Variants in CACNA1A observed in about 807,000 individuals in gnomAD.
CACNA1A encodes the protein voltage-dependent P/Q-type calcium channel subunit alpha-1A.
In CACNA1A, 57 loss-of-function variants were observed where a neutral mutation model predicts 262.4. The observed-to-expected ratio is 0.22, with a 90% CI of 0.18 to 0.27. The LOEUF (loss-of-function observed/expected upper bound fraction) is 0.27. CACNA1A is among the 10% of genes least tolerant of loss of function. The pLI, the probability that CACNA1A is intolerant of heterozygous loss-of-function variation, is 1.00. For synonymous variants in CACNA1A, 1,431 were observed against 1,419.3 expected (o/e 1.01, Z -0.18); for missense variants, 2,526 against 3,562.8 (o/e 0.71, Z 7.41).
At chr19:13,300,757 GACCAATCAGA>G in intron 17 of CACNA1A, 101 bp from the exon 18 acceptor site, 1 of 936,594 alleles carries the variant, frequency 1.1e-6, no homozygotes, top group Admixed American at 1.8e-5. Context: ...GAAATATTTC[GACCAATCAGA>G]ACCAAGGCTC....
Position 13,207,557 on chromosome 19 carries a change from C to T in CACNA1A, c.7277G>A (p.Gly2426Asp), listed in dbSNP as rs1600073783. 2 of 1,464,726 alleles carry T rather than the reference C, an allele frequency of 1.4e-6. No individual in the cohort carries two copies. Among genetic ancestry groups the T allele is most frequent in the African/African-American group, 1.5e-5 (1 of 67,382 alleles). 90.7% of individuals were successfully genotyped at this position (1,464,726 alleles called of 1,614,324 possible). A position where few individuals can be genotyped will look rare whatever the true frequency, so the allele number is the denominator to read the frequency against. The change falls in exon 47 of 47, where the codon GGC becomes GAC. Residue 2426 changes from glycine to aspartate, a missense_variant. Around this residue, in one of 17 missense-constraint regions of CACNA1A, gnomAD observed 929 missense variants for 868.1 expected, o/e 1.07. Transcript: ENST00000360228. This position sits in a 1 kb window ranked among gnomAD's most constrained non-coding sequence, Gnocchi z 5.7. Reference sequence around the variant, plus strand: ...GTAGGCCCCGGCCATGGCCTCCTCGCCGCCCCCGCTGCCCGGGCCATCGGC... The same window carrying T: ...GTAGGCCCCGGCCATGGCCTCCTCGTCGCCCCCGCTGCCCGGGCCATCGGC... ...DEADGPGSGG[G>D]EEAMAGAYDA...
At chr19:13,245,049 TG>T in intron 31 of CACNA1A, 132 bp downstream of exon 31, 2 of 744,204 alleles carry the variant, frequency 2.7e-6, no homozygotes, top group Non-Finnish European at 4.6e-6. Context: ...TCTCCCTCTC[TG>T]GTCATGGCCA....
intron 3 of CACNA1A, among the ~76,000 whole-genome samples, chr19:13,402,889 T>C (rs77287922): frequency 0.023 from 2,396 of 102,704 alleles, 102 homozygotes; most frequent in African/African-American, 0.084. Flanking sequence ...TATATATATA[T>C]ATATATATAT....
Position 13,310,061 on chromosome 19 carries a change from G to C in CACNA1A, c.1669-1533C>G, listed in dbSNP as rs563420697. ...CTGCTCTGGACATTTCATACAAATG[G>C]AATTATGCAATACTTGACCTTTTGT... On this transcript the variant is annotated intron_variant, in intron 12 of 46. Transcript: ENST00000360228. Among the ~76,000 whole-genome samples the C allele has an allele frequency of 3.9e-5, 6 of 152,256 alleles. No homozygotes were observed. In the East Asian group the frequency reaches 1.2e-3, roughly 29 times the overall value.
chr19:13,495,784 C>G (rs564476444), intron 1 of CACNA1A, among the ~76,000 whole-genome samples: 2 of 152,094 alleles, frequency 1.3e-5, no homozygotes, highest in South Asian at 4.2e-4. Flanking sequence ...ATCCACTCAT[C>G]CACCCATCCA....
intron 19 of CACNA1A, among the ~76,000 whole-genome samples, chr19:13,297,467 A>G (rs1201798153): frequency 6.6e-6 from 1 of 152,158 alleles, no homozygotes; most frequent in Non-Finnish European, 1.5e-5. Context: ...TGAGGCCAGG[A>G]GTTGGGGACC....
chr19:13,239,249 C>T (rs182103276), intron 31 of CACNA1A, among the ~76,000 whole-genome samples: 161 of 152,240 alleles, frequency 1.1e-3, no homozygotes, highest in Middle Eastern at 3.4e-3. Flanking sequence ...CAGCCTTTCT[C>T]GGCTGTCTTT....
chr19:13,468,380 CA>C (rs2061292401), intron 1 of CACNA1A, among the ~76,000 whole-genome samples: 1 of 152,074 alleles, frequency 6.6e-6, no homozygotes, highest in Admixed American at 6.6e-5. Flanking sequence ...TTCACTCTAC[CA>C]AGGGGGAATC....
Position 13,312,789 on chromosome 19 carries a change from G to A in CACNA1A, c.1556-8C>T. ...AAATGAATTCTGCATAGTCTAGAAG[G>A]GAGAAGGAGGAAACAGAGAGGAGGT... On this transcript the variant is annotated splice_region_variant and splice_polypyrimidine_tract_variant and intron_variant, in intron 11 of 46. Transcript: ENST00000360228. 2 of 1,436,664 alleles carry A rather than the reference G, an allele frequency of 1.4e-6. No individual in the cohort carries two copies. The highest frequency in any genetic ancestry group is 1.9e-6 in the Non-Finnish European group (2 of 1,051,334). The allele number at this position is 1,436,664 out of a possible 1,614,324, so 89.0% of individuals were successfully genotyped here. A position where few individuals can be genotyped will look rare whatever the true frequency, so the allele number is the denominator to read the frequency against.
chr19:13,251,255 G>A (rs572966050), intron 30 of CACNA1A, among the ~76,000 whole-genome samples: 2 of 152,060 alleles, frequency 1.3e-5, no homozygotes, highest in South Asian at 2.1e-4. Flanking sequence ...AGGCCGAGGC[G>A]GGCGGATCAT....
At chr19:13,368,276 A>G (rs1332490840) in intron 4 of CACNA1A, among the ~76,000 whole-genome samples, 1 of 151,520 alleles carries the variant, frequency 6.6e-6, no homozygotes, top group African/African-American at 2.4e-5. Flanking sequence ...TGATTGCACC[A>G]CTGCACTCCA....
intron 1 of CACNA1A, among the ~76,000 whole-genome samples, chr19:13,482,848 T>TTGTGTGTGTGTGTGTGTGTGTGTG (rs34754803): frequency 7.5e-6 from 1 of 133,924 alleles, no homozygotes; most frequent in Non-Finnish European, 1.6e-5. Flanking sequence ...TTCTCTCAAC[T>TTGTGTGTGTGTGTGTGTGTGTGTG]TGTGTGTGTG....
intron 24 of CACNA1A, among the ~76,000 whole-genome samples, chr19:13,270,156 G>A (rs538506782): frequency 4.1e-4 from 63 of 152,114 alleles, no homozygotes; most frequent in Admixed American, 1.3e-3. Flanking sequence ...TGATCTTGTC[G>A]GACTTACTTC....
intron 3 of CACNA1A, among the ~76,000 whole-genome samples, chr19:13,378,605 C>G (rs995479513): frequency 6.6e-6 from 1 of 152,250 alleles, no homozygotes; most frequent in Non-Finnish European, 1.5e-5. Context: ...TGAGGACTCA[C>G]TGAAGGCTCA....
intron 3 of CACNA1A, among the ~76,000 whole-genome samples, chr19:13,389,912 A>G (rs1178973555): frequency 1.3e-5 from 2 of 152,044 alleles, no homozygotes; most frequent in Non-Finnish European, 2.9e-5. Flanking sequence ...TCCCAGGTTC[A>G]AGCAATTCTC....
At chr19:13,432,416 AAAATAAAT>A (rs201856945) in intron 3 of CACNA1A, among the ~76,000 whole-genome samples, 78 of 144,930 alleles carry the variant, frequency 5.4e-4, no homozygotes, top group South Asian at 6.5e-4. Context: ...CTCCATCTCA[AAAATAAAT>A]AAATAAATAA....
At chr19:13,242,664 ACT>A (rs150796242) in intron 31 of CACNA1A, among the ~76,000 whole-genome samples, 1,526 of 152,092 alleles carry the variant, frequency 0.01, 31 homozygotes, top group East Asian at 0.071. Context: ...GGGAGCAGAC[ACT>A]CTGTATTCTT....
chr19:13,406,465 TTATATATA>T (rs61273249), intron 3 of CACNA1A, among the ~76,000 whole-genome samples: 1,168 of 31,512 alleles, frequency 0.037, 47 homozygotes, highest in African/African-American at 0.06. Context: ...AAAAAAAAAA[TTATATATA>T]TATATATATA....
At chr19:13,361,275 A>T (rs2059106124) in intron 5 of CACNA1A, among the ~76,000 whole-genome samples, 1 of 152,070 alleles carries the variant, frequency 6.6e-6, no homozygotes, top group Admixed American at 6.6e-5. Context: ...GTGCCAACAG[A>T]CACCCCTTTT....
Sources: allele counts gnomAD v4.1 joint callset (sites outside exome capture counted in the v4.1 genomes callset), GRCh38; gene constraint gnomAD v4.1.1; regional missense constraint gnomAD v4.1.1; non-coding constraint Gnocchi (gnomAD v3.1); transcripts MANE v1.5; gene names NCBI Gene and HGNC (gene_info 2026-07-23, HGNC 2026-07-21).